The following SLC15A1 variants were observed in gnomAD, a reference collection of about 807,000 sequenced individuals.
SLC15A1 encodes the protein Caco-2 oligopeptide transporter.
In SLC15A1, 83 loss-of-function variants were observed where a neutral mutation model predicts 92.9. The observed-to-expected ratio is 0.89, with a 90% CI of 0.75 to 1.07. The LOEUF (loss-of-function observed/expected upper bound fraction) is 1.07. Among genes scored for constraint, SLC15A1 ranks in the 50% least tolerant of loss-of-function variants. SLC15A1 has a pLI of 0.00. For missense variants in SLC15A1, 857 were observed against 880.1 expected (o/e 0.97, Z 0.33); for synonymous variants, 322 against 318.2 (o/e 1.01, Z -0.13).
chr13:98,694,871 A>C (rs1352368407), intron 18 of SLC15A1, among the ~76,000 whole-genome samples: 1 of 152,004 alleles, frequency 6.6e-6, no homozygotes, highest in Non-Finnish European at 1.5e-5. Flanking sequence ...CTAAAATACA[A>C]AAAAAGATTA....
At chr13:98,703,532 G>A (rs183656530) in intron 17 of SLC15A1, among the ~76,000 whole-genome samples, 232 of 137,680 alleles carry the variant, frequency 1.7e-3, no homozygotes, top group Non-Finnish European at 2.6e-3. Flanking sequence ...TGTAGCTGCT[G>A]CTGCTGCTTT....
At chr13:98,712,357 G>A (rs970078098) in intron 10 of SLC15A1, 141 bp downstream of exon 10, 3 of 643,834 alleles carry the variant, frequency 4.7e-6, no homozygotes, top group Non-Finnish European at 8.1e-6. Flanking sequence ...ATGCACTCAT[G>A]CATAGTTTTA....
chr13:98,740,777 G>C (rs2088437618), intron 1 of SLC15A1, among the ~76,000 whole-genome samples: 1 of 152,156 alleles, frequency 6.6e-6, no homozygotes, highest in Non-Finnish European at 1.5e-5. Context: ...GGACAGGGGT[G>C]GGGTGGTGGG....
intron 16 of SLC15A1, 108 bp downstream of exon 16, chr13:98,706,026 T>C: frequency 8.5e-7 from 1 of 1,182,244 alleles, no homozygotes; most frequent in Non-Finnish European, 1.2e-6. Flanking sequence ...AGTTCACTTC[T>C]GGGCTGGCCT....
chr13:98,686,545 A>T lies in SLC15A1; in HGVS notation c.1828-248T>A, dbSNP rs112437703. On this transcript the variant is annotated intron_variant, in intron 21 of 22. Coordinates refer to ENST00000376503, the MANE Select transcript of SLC15A1 (RefSeq NM_005073.4). ...AAGCTGTCCCCTTAGTTAAATGGAC[A>T]CATCTACGGAGGAGCTGATCCTATT... 8.8e-3 allele frequency among the ~76,000 whole-genome samples: 1,342 copies of T among 152,316 alleles called. 33 individuals carry two copies. The highest frequency in any genetic ancestry group is 0.03 in the African/African-American group (1,233 of 41,570).
intron 14 of SLC15A1, 133 bp downstream of exon 14, chr13:98,709,439 A>G (rs2088142892): frequency 1.5e-6 from 1 of 682,094 alleles, no homozygotes; most frequent in Non-Finnish European, 2.6e-6. Flanking sequence ...GCACACGAAC[A>G]TTTGTTTTCT....
chr13:98,715,445 C>A (rs561430038), intron 9 of SLC15A1, among the ~76,000 whole-genome samples: 26 of 152,212 alleles, frequency 1.7e-4, no homozygotes, highest in Non-Finnish European at 2.8e-4. Flanking sequence ...AGTGCTGGGA[C>A]TACGGGCATG....
intron 1 of SLC15A1, 74 bp from the exon 2 acceptor site, chr13:98,726,933 C>T: frequency 1.3e-6 from 2 of 1,503,356 alleles, no homozygotes; most frequent in Non-Finnish European, 1.8e-6. Flanking sequence ...AACTCAGAGC[C>T]TCTGACTTTT....
intron 18 of SLC15A1, among the ~76,000 whole-genome samples, chr13:98,693,021 G>A (rs1944830793): frequency 6.7e-6 from 1 of 150,248 alleles, no homozygotes; most frequent in Non-Finnish European, 1.5e-5. Flanking sequence ...TTATAGGCAT[G>A]AGCCACCATG....
chr13:98,690,931 G>A (rs1476819877), intron 18 of SLC15A1, among the ~76,000 whole-genome samples: 1 of 152,178 alleles, frequency 6.6e-6, no homozygotes, highest in Non-Finnish European at 1.5e-5. Flanking sequence ...GGCTCTGCCT[G>A]CCACTTGATG....
At chr13:98,688,867 C>G (rs896256072) in intron 18 of SLC15A1, among the ~76,000 whole-genome samples, 1 of 152,164 alleles carries the variant, frequency 6.6e-6, no homozygotes, top group African/African-American at 2.4e-5. Flanking sequence ...GAATATTAAG[C>G]AGGGACTGAA....
chr13:98,721,956 G>A (rs1002785833), intron 5 of SLC15A1, 53 bp from the exon 6 acceptor site: 23 of 1,485,506 alleles, frequency 1.5e-5, no homozygotes, highest in African/African-American at 1.5e-4. Context: ...CAAGTAGAAG[G>A]CCTCTCTTTT....
In SLC15A1 at chr13:98,704,256, C is replaced by G. The variant is rs199701370; in HGVS notation, c.1416+33G>C. On this transcript the variant is annotated intron_variant, in intron 17 of 22. Transcript: ENST00000376503. ...TTTTGGCCTCCAGTATCACAAATAGCAAAGAGTCAGCTGTAGGTCTTCACA... is the reference window on the plus strand; with the variant it reads ...TTTTGGCCTCCAGTATCACAAATAGGAAAGAGTCAGCTGTAGGTCTTCACA... 5.0e-5 allele frequency: 76 copies of G among 1,532,378 alleles called. No homozygotes were observed. The African/African-American group carries it at 9.6e-4, about 19-fold the overall frequency. The allele number at this position is 1,532,378 out of a possible 1,614,324, so 94.9% of individuals were successfully genotyped here.
chr13:98,695,277 G>C (rs2088013148), intron 18 of SLC15A1, among the ~76,000 whole-genome samples: 1 of 152,072 alleles, frequency 6.6e-6, no homozygotes, highest in Admixed American at 6.6e-5. Context: ...TTTAGATACA[G>C]GGTCTCACTA....
intron 1 of SLC15A1, among the ~76,000 whole-genome samples, chr13:98,745,473 G>A (rs937104938): frequency 5.9e-5 from 9 of 152,276 alleles, no homozygotes; most frequent in African/African-American, 1.9e-4. Context: ...CATTACAGCT[G>A]TAATTAGCTA....
chr13:98,702,589 C>T, intron 17 of SLC15A1, 60 bp from the exon 18 acceptor site: 1 of 1,323,188 alleles, frequency 7.6e-7, no homozygotes, highest in Non-Finnish European at 1.1e-6. Flanking sequence ...AGAATGAGTT[C>T]AGATGAATAT....
intron 1 of SLC15A1, among the ~76,000 whole-genome samples, chr13:98,742,682 G>A (rs1224618018): frequency 1.3e-5 from 2 of 152,176 alleles, no homozygotes; most frequent in African/African-American, 2.4e-5. Flanking sequence ...TCCCCGTCTT[G>A]TAAGAACATC....
chr13:98,708,831 C>T, intron 14 of SLC15A1, 64 bp from the exon 15 acceptor site: 1 of 1,238,134 alleles, frequency 8.1e-7, no homozygotes, highest in South Asian at 1.6e-5. Flanking sequence ...GCTAAACCCC[C>T]ACCCCCACCA....
intron 1 of SLC15A1, among the ~76,000 whole-genome samples, chr13:98,736,007 A>G (rs1341863909): frequency 1.3e-5 from 2 of 152,170 alleles, no homozygotes; most frequent in Admixed American, 6.5e-5. Flanking sequence ...AGTTCATATG[A>G]AACCAAAAAA....
Sources: gnomAD v4.1 joint callset for allele counts (sites outside exome capture counted in the v4.1 genomes callset) on GRCh38, gnomAD v4.1.1 for gene constraint, MANE v1.5 for transcripts, NCBI Gene and HGNC (gene_info 2026-07-23, HGNC 2026-07-21) for gene names.